SLC16A9: variants seen among roughly 807,000 people sequenced by gnomAD.
The protein encoded by SLC16A9 is solute carrier family 16 member 9.
Under a neutral mutation model 44.3 loss-of-function variants are expected in SLC16A9, and 26 were observed. That is an observed-to-expected ratio of 0.59 (90% CI 0.43 to 0.81). The LOEUF is 0.81. Ranked by LOEUF, SLC16A9 falls within the 40% of genes least tolerant of loss-of-function variation. SLC16A9 has a pLI of 0.00. For missense variants in SLC16A9, 559 were observed against 595.8 expected, an observed-to-expected ratio of 0.94 and a Z score of 0.64; for synonymous variants, 230 against 225.1, an observed-to-expected ratio of 1.02 and a Z score of -0.19.
chr10:59,654,106 G>A lies in SLC16A9; in HGVS notation c.920C>T (p.Ser307Leu). The change falls in exon 5 of 6, where the codon TCA becomes TTA. Residue 307 changes from serine to leucine, a missense_variant. Physicochemically the swap from Ser to Leu is moderately radical, Grantham distance 145. Transcript: ENST00000395348. ...GAGTAAGATAGCAATGAAAAGGGCT[G>A]AAAATACTTTGTTTTTAAAAAGAGC... ...TVALFKNKVFSALFIAILLFD... is the reference protein window; with the variant it reads ...TVALFKNKVFLALFIAILLFD... The A allele has an allele frequency of 1.2e-6, 2 of 1,614,076 alleles. No individual in the cohort carries two copies. Among genetic ancestry groups the A allele is most frequent in the Non-Finnish European group, 1.7e-6 (2 of 1,180,018 alleles).
chr10:59,657,626 A>G (rs1403235828), intron 4 of SLC16A9, among the ~76,000 whole-genome samples: 1 of 152,192 alleles, frequency 6.6e-6, no homozygotes, highest in African/African-American at 2.4e-5. Context: ...CTCAAGACTG[A>G]GTGAAAAGCA....
intron 3 of SLC16A9, 67 bp downstream of exon 3, chr10:59,672,703 C>A: frequency 1.4e-6 from 2 of 1,442,152 alleles, no homozygotes; most frequent in Non-Finnish European, 9.4e-7. Flanking sequence ...GGATCATAAA[C>A]CTGGCACTGG....
chr10:59,663,463 A>G (rs933431498), intron 4 of SLC16A9, among the ~76,000 whole-genome samples: 4 of 152,208 alleles, frequency 2.6e-5, no homozygotes, highest in Non-Finnish European at 5.9e-5. Flanking sequence ...TTGCCGGGAT[A>G]TGAGTGAAGC....
chr10:59,707,258 AGGAGG>A (rs1564716805), intron 1 of SLC16A9, among the ~76,000 whole-genome samples: 3 of 117,820 alleles, frequency 2.5e-5, no homozygotes, highest in Admixed American at 9.9e-5. Flanking sequence ...GGGAGGGCAG[AGGAGG>A]GGAGGGGAGA....
intron 1 of SLC16A9, among the ~76,000 whole-genome samples, chr10:59,694,737 T>C (rs1240629381): frequency 6.8e-6 from 1 of 146,154 alleles, no homozygotes; most frequent in Non-Finnish European, 1.5e-5. Flanking sequence ...GAGGTGGAGG[T>C]TGCAGTGACC....
intron 4 of SLC16A9, among the ~76,000 whole-genome samples, chr10:59,662,162 G>A (rs1020480290): frequency 2.6e-5 from 4 of 152,014 alleles, no homozygotes; most frequent in African/African-American, 7.2e-5. Flanking sequence ...AAGAGCTTCT[G>A]CAAAGCAAAA....
intron 1 of SLC16A9, among the ~76,000 whole-genome samples, chr10:59,705,408 C>A (rs16913997): frequency 0.021 from 3,253 of 152,200 alleles, 140 homozygotes; most frequent in African/African-American, 0.074. Flanking sequence ...TCCTTGGTCC[C>A]TTTACTTAGT....
chr10:59,662,647 A>AAAAG (rs1839507367), intron 4 of SLC16A9, among the ~76,000 whole-genome samples: 1 of 147,410 alleles, frequency 6.8e-6, no homozygotes, highest in Non-Finnish European at 1.5e-5. Context: ...AAAAAAAAAA[A>AAAAG]AAAAAAGAAA....
At chr10:59,707,054 C>A (rs1197006650) in intron 1 of SLC16A9, among the ~76,000 whole-genome samples, 1 of 149,332 alleles carries the variant, frequency 6.7e-6, no homozygotes, top group Non-Finnish European at 1.5e-5. Flanking sequence ...TGCCTGTAAT[C>A]CAGCTTGGGA....
chr10:59,656,581 A>T (rs1478021519), intron 4 of SLC16A9, among the ~76,000 whole-genome samples: 1 of 152,190 alleles, frequency 6.6e-6, no homozygotes, highest in Non-Finnish European at 1.5e-5. Context: ...GTTTAGAAAG[A>T]TACAGGATTT....
intron 3 of SLC16A9, among the ~76,000 whole-genome samples, chr10:59,667,273 C>T (rs1839642261): frequency 1.3e-5 from 2 of 152,202 alleles, no homozygotes. Context: ...CTCTTAAACA[C>T]TCTTCCCTTT....
intron 2 of SLC16A9, among the ~76,000 whole-genome samples, chr10:59,680,694 C>A (rs1322594059): frequency 6.6e-6 from 1 of 152,124 alleles, no homozygotes; most frequent in East Asian, 1.9e-4. Context: ...TTAAAAAATT[C>A]ATGAGGCCAG....
chr10:59,687,010 C>T (rs574083879), intron 1 of SLC16A9, among the ~76,000 whole-genome samples: 6 of 152,174 alleles, frequency 3.9e-5, no homozygotes, highest in Non-Finnish European at 5.9e-5. Flanking sequence ...TAGGTTCAAG[C>T]GATTCTCCTG....
intron 4 of SLC16A9, among the ~76,000 whole-genome samples, chr10:59,662,050 A>AGGAC (rs1839486971): frequency 3.3e-5 from 5 of 152,314 alleles, no homozygotes; most frequent in African/African-American, 4.8e-5. Flanking sequence ...AAACCAAGGC[A>AGGAC]ATACCATGCA....
At chr10:59,683,107 C>A (rs535962528) in intron 2 of SLC16A9, among the ~76,000 whole-genome samples, 51 of 152,012 alleles carry the variant, frequency 3.4e-4, no homozygotes, top group Non-Finnish European at 6.8e-4. Context: ...CTGAAAAATA[C>A]CTTACAAATC....
chr10:59,670,209 C>T (rs950564048), intron 3 of SLC16A9, among the ~76,000 whole-genome samples: 3 of 152,212 alleles, frequency 2.0e-5, no homozygotes, highest in Non-Finnish European at 4.4e-5. Flanking sequence ...TATTAAACAT[C>T]TCTGTATGCC....
chr10:59,704,205 T>G (rs1840590332), intron 1 of SLC16A9, among the ~76,000 whole-genome samples: 1 of 152,142 alleles, frequency 6.6e-6, no homozygotes, highest in Non-Finnish European at 1.5e-5. Context: ...TACTCCCTAA[T>G]ATCTCCCTGA....
chr10:59,667,457 G>A (rs896842255), intron 3 of SLC16A9, among the ~76,000 whole-genome samples: 1 of 152,082 alleles, frequency 6.6e-6, no homozygotes, highest in African/African-American at 2.4e-5. Flanking sequence ...ACCAAATTTT[G>A]TTTTGCTTTG....
chr10:59,657,704 C>A (rs1839380471), intron 4 of SLC16A9, among the ~76,000 whole-genome samples: 1 of 152,212 alleles, frequency 6.6e-6, no homozygotes, highest in Non-Finnish European at 1.5e-5. Flanking sequence ...TTAGGGAAAC[C>A]TAGGTCAGAA....
Sources: gnomAD v4.1 joint callset for allele counts (sites outside exome capture counted in the v4.1 genomes callset) on GRCh38, gnomAD v4.1.1 for gene constraint, MANE v1.5 for transcripts, NCBI Gene and HGNC (gene_info 2026-07-23, HGNC 2026-07-21) for gene names.